CTNNBL1: variants seen among roughly 807,000 people sequenced by gnomAD.
CTNNBL1 encodes beta-catenin-like protein 1.
In CTNNBL1, 31 loss-of-function variants were observed where a neutral mutation model predicts 72.7. That is an observed-to-expected ratio of 0.43 (90% confidence interval 0.32 to 0.58). The LOEUF is 0.58. Ranked by LOEUF, CTNNBL1 falls within the 20% of genes least tolerant of loss-of-function variation. The pLI is 0.08. For synonymous variants in CTNNBL1, 240 were observed against 267.3 expected (o/e 0.90, Z 1.00); for missense variants, 534 against 725.1 (o/e 0.74, Z 3.03).
intron 1 of CTNNBL1, among the ~76,000 whole-genome samples, chr20:37,714,839 C>T (rs1444753169): frequency 6.6e-6 from 1 of 152,044 alleles, no homozygotes; most frequent in African/African-American, 2.4e-5. Context: ...TAGGTGCTTC[C>T]ACAACACTGC....
intron 5 of CTNNBL1, among the ~76,000 whole-genome samples, chr20:37,764,769 C>T (rs917298071): frequency 1.3e-5 from 2 of 152,122 alleles, no homozygotes; most frequent in African/African-American, 4.8e-5. Flanking sequence ...AGTGAAACAT[C>T]TTTTGGTGCA....
At position 37,755,281 on chromosome 20, in the gene CTNNBL1, T is replaced by C. The variant is rs141358242; in HGVS notation, c.467-2278T>C. On this transcript the variant is annotated intron_variant, in intron 4 of 15. Transcript: ENST00000361383. The stretch of plus-strand genomic sequence containing the variant: ...AATTTTAGAGAGGGAGAACTACTAA[T>C]TCCTGCTAGTCAAGGGTAGCTCTAG... Among the ~76,000 whole-genome samples, 269 of 152,346 alleles carry C rather than the reference T, an allele frequency of 1.8e-3. 3 individuals are homozygous for C. Among genetic ancestry groups the C allele is most frequent in the African/African-American group, 6.2e-3 (258 of 41,586 alleles).
chr20:37,855,152 C>T (rs1486100467), intron 13 of CTNNBL1, among the ~76,000 whole-genome samples: 1 of 149,072 alleles, frequency 6.7e-6, no homozygotes, highest in East Asian at 2.0e-4. Context: ...CTAATGTTTC[C>T]ATTAGTGATA....
At chr20:37,771,811 T>C (rs1458596149) in intron 7 of CTNNBL1, among the ~76,000 whole-genome samples, 1 of 152,174 alleles carries the variant, frequency 6.6e-6, no homozygotes, top group African/African-American at 2.4e-5. Flanking sequence ...AAATTTAAAA[T>C]TGAGACCTAT....
At chr20:37,835,454 C>A (rs2072245519) in intron 11 of CTNNBL1, among the ~76,000 whole-genome samples, 2 of 152,122 alleles carry the variant, frequency 1.3e-5, no homozygotes, top group African/African-American at 4.8e-5. Flanking sequence ...CATTTTTCAC[C>A]TACTGGGCTG....
At chr20:37,737,020 G>A (rs998578326) in intron 2 of CTNNBL1, among the ~76,000 whole-genome samples, 1 of 151,854 alleles carries the variant, frequency 6.6e-6, no homozygotes, top group African/African-American at 2.4e-5. Context: ...TCAGGAGATC[G>A]AGACCATCCT....
At chr20:37,803,189 A>T in intron 11 of CTNNBL1, 141 bp downstream of exon 11, 1 of 756,244 alleles carries the variant, frequency 1.3e-6, no homozygotes. Flanking sequence ...CTTATTTTTC[A>T]TGAATGAAAA....
intron 11 of CTNNBL1, among the ~76,000 whole-genome samples, chr20:37,805,239 A>G (rs2071944930): frequency 6.6e-6 from 1 of 152,236 alleles, no homozygotes; most frequent in Non-Finnish European, 1.5e-5. Flanking sequence ...AAGCTAGAGC[A>G]CAGTGGCCTC....
At chr20:37,784,516 C>T (rs1167982198) in intron 10 of CTNNBL1, among the ~76,000 whole-genome samples, 1 of 152,158 alleles carries the variant, frequency 6.6e-6, no homozygotes, top group Non-Finnish European at 1.5e-5. Context: ...TTGACATTAC[C>T]ATGAGGCTTG....
chr20:37,769,524 T>G (rs1007131246), intron 7 of CTNNBL1, among the ~76,000 whole-genome samples: 2 of 152,242 alleles, frequency 1.3e-5, no homozygotes, highest in Non-Finnish European at 2.9e-5. Context: ...ATATTTATAT[T>G]CTTTGTCCAT....
chr20:37,754,271 T>G (rs891255633), intron 4 of CTNNBL1, among the ~76,000 whole-genome samples: 1 of 151,556 alleles, frequency 6.6e-6, no homozygotes, highest in African/African-American at 2.4e-5. Flanking sequence ...ATTTATGTAT[T>G]TATTTATTTG....
chr20:37,828,460 G>A (rs2072179716), intron 11 of CTNNBL1, among the ~76,000 whole-genome samples: 1 of 152,054 alleles, frequency 6.6e-6, no homozygotes, highest in Non-Finnish European at 1.5e-5. Context: ...TATTATGGTG[G>A]AACTAACTAG....
chr20:37,860,432 T>G, intron 15 of CTNNBL1, 88 bp downstream of exon 15: 1 of 1,094,942 alleles, frequency 9.1e-7, no homozygotes, highest in Non-Finnish European at 1.4e-6. Context: ...TGGTATTTGA[T>G]GTGGAGCGTT....
chr20:37,721,411 G>A (rs183101658), intron 1 of CTNNBL1, among the ~76,000 whole-genome samples: 5 of 152,340 alleles, frequency 3.3e-5, no homozygotes, highest in Admixed American at 1.3e-4. Flanking sequence ...AAGGTACCCT[G>A]TGAGTGTTAT....
chr20:37,777,411 A>C lies in CTNNBL1; in HGVS notation c.817A>C (p.Asn273His). The C allele has an allele frequency of 6.2e-7, 1 of 1,613,836 alleles. No individual in the cohort carries two copies. Among genetic ancestry groups the C allele is most frequent in the South Asian group, 1.1e-5 (1 of 91,068 alleles). The change falls in exon 8 of 16, where the codon AAT becomes CAT. Residue 273 changes from asparagine (N) to histidine (H), a missense_variant. Physicochemically the swap from Asn to His is moderately conservative, Grantham distance 68 (BLOSUM62 1). Transcript: ENST00000361383. ...AGTGCTGGCCATATTGCTCCAGGACAATGATGGTGAGGCGCCCTCTCAGTA... is the reference window on the plus strand; with the variant it reads ...AGTGCTGGCCATATTGCTCCAGGACCATGATGGTGAGGCGCCCTCTCAGTA... ...SEVLAILLQD[N>H]DENRELLGEL...
intron 4 of CTNNBL1, among the ~76,000 whole-genome samples, chr20:37,748,719 C>G (rs542539748): frequency 6.6e-6 from 1 of 152,196 alleles, no homozygotes; most frequent in Non-Finnish European, 1.5e-5. Context: ...GGTCTGCTTC[C>G]AGGTTTGTAG....
At chr20:37,861,777 A>G (rs537479568) in intron 15 of CTNNBL1, among the ~76,000 whole-genome samples, 12 of 152,332 alleles carry the variant, frequency 7.9e-5, no homozygotes, top group Non-Finnish European at 1.5e-4. Context: ...AGAAAGGGCA[A>G]GGGGATTGAA....
intron 1 of CTNNBL1, among the ~76,000 whole-genome samples, chr20:37,707,401 A>G (rs762858275): frequency 4.6e-5 from 7 of 152,236 alleles, no homozygotes; most frequent in Non-Finnish European, 8.8e-5. Context: ...CAGCTTCTAC[A>G]TCAGCACTTC....
chr20:37,792,508 C>T (rs1446297128), intron 10 of CTNNBL1, among the ~76,000 whole-genome samples: 1 of 152,174 alleles, frequency 6.6e-6, no homozygotes, highest in Admixed American at 6.5e-5. Flanking sequence ...TTACATTACT[C>T]AGTGTTTAAT....
Sources: allele counts gnomAD v4.1 joint callset (sites outside exome capture counted in the v4.1 genomes callset), GRCh38; gene constraint gnomAD v4.1.1; transcripts MANE v1.5; gene names NCBI Gene and HGNC (gene_info 2026-07-23, HGNC 2026-07-21).